The following NAV2 variants were observed in gnomAD, a reference collection of about 807,000 sequenced individuals.
The protein encoded by NAV2 is neuron navigator 2.
In NAV2, 54 loss-of-function variants were observed where a neutral mutation model predicts 223.2. That is an observed-to-expected ratio of 0.24 (90% confidence interval 0.19 to 0.30). The LOEUF (loss-of-function observed/expected upper bound fraction) is 0.30. NAV2 is among the 10% of genes least tolerant of loss of function. The probability of loss-of-function intolerance (pLI) is 1.00; values close to 1 mark genes in which losing one functional copy is unlikely to be tolerated. For synonymous variants in NAV2, 1,279 were observed against 1,239.3 expected, an observed-to-expected ratio of 1.03 and a Z score of -0.67; for missense variants, 2,806 against 3,147.5, an observed-to-expected ratio of 0.89 and a Z score of 2.60.
chr11:19,734,396 G>A (rs2052083473), intron 1 of NAV2, among the ~76,000 whole-genome samples: 1 of 152,180 alleles, frequency 6.6e-6, no homozygotes, highest in Non-Finnish European at 1.5e-5. Context: ...TAAGTGAAGG[G>A]ACACTGGATG....
At chr11:20,055,623 A>C in intron 18 of NAV2, 146 bp from the exon 19 acceptor site, 1 of 705,468 alleles carries the variant, frequency 1.4e-6, no homozygotes, top group Non-Finnish European at 2.3e-6. Context: ...TCAAATGCTG[A>C]TGGGACTACC....
intron 1 of NAV2, among the ~76,000 whole-genome samples, chr11:19,785,272 G>A (rs2057021764): frequency 6.6e-6 from 1 of 152,212 alleles, no homozygotes; most frequent in Non-Finnish European, 1.5e-5. Flanking sequence ...ACTGGCCCAG[G>A]GCCTCATGGC....
chr11:20,061,292 G>A (rs1182559967), intron 19 of NAV2, among the ~76,000 whole-genome samples: 1 of 151,920 alleles, frequency 6.6e-6, no homozygotes, highest in Admixed American at 6.6e-5. Flanking sequence ...TGTCTTGGCC[G>A]GGCGCGGTGG....
intron 6 of NAV2, among the ~76,000 whole-genome samples, chr11:19,912,478 C>T (rs556014924): frequency 6.6e-6 from 1 of 152,204 alleles, no homozygotes; most frequent in South Asian, 2.1e-4. Flanking sequence ...TGCCTGACGC[C>T]CCTTACCCAG....
At chr11:19,852,848 G>T (rs1477902514) in intron 3 of NAV2, among the ~76,000 whole-genome samples, 1 of 152,138 alleles carries the variant, frequency 6.6e-6, no homozygotes, top group Non-Finnish European at 1.5e-5. Context: ...AACAATCCAG[G>T]AGTTTCACAG....
intron 15 of NAV2, 82 bp from the exon 16 acceptor site, chr11:20,049,754 G>GA (rs1311100242): frequency 1.2e-5 from 16 of 1,376,908 alleles, no homozygotes; most frequent in East Asian, 1.1e-4. Context: ...CATGGGGAAT[G>GA]AAAAAAATGT....
chr11:20,090,861 C>G lies in NAV2; in HGVS notation c.5499-4C>G, dbSNP rs758159996. 6.2e-7 allele frequency: 1 copy of G among 1,613,290 alleles called. No individual in the cohort carries two copies. The highest frequency in any genetic ancestry group is 2.2e-5 in the East Asian group (1 of 44,850). On this transcript the variant is annotated splice_polypyrimidine_tract_variant and splice_region_variant and intron_variant, in intron 26 of 37. Coordinates refer to ENST00000349880, the MANE Select transcript of NAV2 (RefSeq NM_145117.5). ...TTTCATCAGTAACATTCCTCTTTCC[C>G]TAGAATTTCAGAATGCATGGATAGT...
intron 1 of NAV2, chr11:19,506,315 G>C (rs2043123141): frequency 6.6e-6 from 1 of 152,230 alleles, no homozygotes; most frequent in Non-Finnish European, 1.5e-5. Flanking sequence ...TAGCCGATCT[G>C]ACCCAAGTGG....
intron 1 of NAV2, among the ~76,000 whole-genome samples, chr11:19,551,386 C>T (rs544255992): frequency 6.6e-5 from 10 of 152,348 alleles, no homozygotes; most frequent in Admixed American, 2.0e-4. Context: ...CAGGCTGAGC[C>T]TCAGAGAGGT....
chr11:20,010,751 C>A (rs1393749792), intron 11 of NAV2, among the ~76,000 whole-genome samples: 1 of 152,170 alleles, frequency 6.6e-6, no homozygotes, highest in Non-Finnish European at 1.5e-5. Flanking sequence ...GCATTGGCTA[C>A]TTAAGATACA....
chr11:20,111,375 C>T (rs1839075889), intron 36 of NAV2, among the ~76,000 whole-genome samples: 1 of 152,214 alleles, frequency 6.6e-6, no homozygotes, highest in Non-Finnish European at 1.5e-5. Flanking sequence ...TGCTGCTGCC[C>T]TCGGGGCCTG....
At chr11:20,070,591 C>T (rs943131737) in intron 22 of NAV2, among the ~76,000 whole-genome samples, 1 of 152,098 alleles carries the variant, frequency 6.6e-6, no homozygotes. Context: ...TTAGTCTTAC[C>T]GCACACTGCT....
At chr11:19,603,542 G>A (rs547087446) in intron 1 of NAV2, among the ~76,000 whole-genome samples, 3 of 150,410 alleles carry the variant, frequency 2.0e-5, no homozygotes, top group Non-Finnish European at 4.4e-5. Flanking sequence ...CAGGAGGATC[G>A]CTTGGACCCG....
At chr11:20,016,201 C>A (rs1190985858) in intron 11 of NAV2, among the ~76,000 whole-genome samples, 3 of 152,150 alleles carry the variant, frequency 2.0e-5, no homozygotes, top group Non-Finnish European at 4.4e-5. Context: ...GTTGATATAG[C>A]CGATTGGCAC....
intron 1 of NAV2, among the ~76,000 whole-genome samples, chr11:19,537,626 G>C (rs1674528263): frequency 6.6e-6 from 1 of 152,190 alleles, no homozygotes; most frequent in Non-Finnish European, 1.5e-5. Flanking sequence ...CAAGTGGACT[G>C]TGTTCTTTTG....
intron 3 of NAV2, among the ~76,000 whole-genome samples, chr11:19,857,949 C>T (rs946518405): frequency 5.9e-5 from 9 of 152,176 alleles, no homozygotes; most frequent in South Asian, 2.1e-4. Flanking sequence ...CTCCACCTCC[C>T]GGGTTCATGC....
intron 5 of NAV2, among the ~76,000 whole-genome samples, chr11:19,883,208 G>C (rs181626714): frequency 1.2e-4 from 18 of 152,318 alleles, no homozygotes; most frequent in African/African-American, 3.8e-4. Context: ...AAATACTAAA[G>C]CTTGGACAAC....
chr11:20,051,444 G>C, intron 17 of NAV2, 111 bp downstream of exon 17: 2 of 931,680 alleles, frequency 2.1e-6, no homozygotes, highest in South Asian at 1.3e-5. Context: ...TCCCCGCTTT[G>C]ACCACCACAG....
At chr11:19,509,842 A>G (rs1054060231) in intron 1 of NAV2, among the ~76,000 whole-genome samples, 3 of 146,522 alleles carry the variant, frequency 2.0e-5, no homozygotes, top group African/African-American at 7.5e-5. Context: ...CACCCAAAAC[A>G]TCCAACTGGA....
Sources: gnomAD v4.1 joint callset for allele counts (sites outside exome capture counted in the v4.1 genomes callset) on GRCh38, gnomAD v4.1.1 for gene constraint, MANE v1.5 for transcripts, NCBI Gene and HGNC (gene_info 2026-07-23, HGNC 2026-07-21) for gene names.